CNTRL: variants seen among roughly 807,000 people sequenced by gnomAD.
The protein encoded by CNTRL is centriolin.
In CNTRL, 233 loss-of-function variants were observed where a neutral mutation model predicts 303.7. The observed-to-expected ratio is 0.77, with a 90% CI of 0.69 to 0.86. CNTRL has a LOEUF of 0.86. Ranked by LOEUF, CNTRL falls within the 40% of genes least tolerant of loss-of-function variation. The pLI is 0.00. For missense variants in CNTRL, 2,524 were observed against 2,650.6 expected, an observed-to-expected ratio of 0.95 and a Z score of 1.05; for synonymous variants, 900 against 922.2, an observed-to-expected ratio of 0.98 and a Z score of 0.44.
At chr9:121,133,599 T>C (rs925547159) in intron 14 of CNTRL, among the ~76,000 whole-genome samples, 2 of 152,240 alleles carry the variant, frequency 1.3e-5, no homozygotes, top group Non-Finnish European at 2.9e-5. Context: ...CCCGACGCCT[T>C]GCATTTCCTG....
At chr9:121,109,722 T>C (rs1307626202) in intron 8 of CNTRL, among the ~76,000 whole-genome samples, 1 of 152,174 alleles carries the variant, frequency 6.6e-6, no homozygotes, top group Admixed American at 6.5e-5. Flanking sequence ...TTCTAACCAA[T>C]TTATATTTCA....
intron 12 of CNTRL, 63 bp from the exon 13 acceptor site, chr9:121,123,868 G>A (rs1364959274): frequency 5.6e-6 from 7 of 1,244,296 alleles, no homozygotes; most frequent in Non-Finnish European, 6.6e-6. Flanking sequence ...TGTTGTTAAG[G>A]GTTATTACTT....
intron 27 of CNTRL, 136 bp from the exon 28 acceptor site, chr9:121,157,334 A>T: frequency 1.3e-6 from 1 of 774,488 alleles, no homozygotes; most frequent in Non-Finnish European, 2.0e-6. Context: ...ACCGAGAATT[A>T]GAGTTACAGT....
intron 7 of CNTRL, among the ~76,000 whole-genome samples, chr9:121,102,993 A>G (rs2049262153): frequency 6.6e-6 from 1 of 152,168 alleles, no homozygotes; most frequent in Non-Finnish European, 1.5e-5. Context: ...TTATAGATTC[A>G]ATGCCATCCC....
intron 1 of CNTRL, 30 bp downstream of exon 1, chr9:121,075,097 C>T (rs1044987822): frequency 2.9e-5 from 11 of 376,508 alleles, no homozygotes; most frequent in African/African-American, 2.3e-4. Context: ...GAGCCCGTTC[C>T]CCGGCATCCG....
intron 20 of CNTRL, among the ~76,000 whole-genome samples, chr9:121,144,597 G>A (rs759124385): frequency 2.0e-5 from 3 of 152,148 alleles, no homozygotes; most frequent in Non-Finnish European, 2.9e-5. Context: ...CATGGAAGAC[G>A]GTAGTAAAAG....
intron 8 of CNTRL, among the ~76,000 whole-genome samples, chr9:121,109,208 T>C (rs1299712003): frequency 1.3e-5 from 2 of 152,160 alleles, no homozygotes; most frequent in East Asian, 1.9e-4. Flanking sequence ...TGCTAATAAA[T>C]ATTATATTGT....
chr9:121,136,616 C>T (rs937522210), intron 15 of CNTRL, among the ~76,000 whole-genome samples: 2 of 152,144 alleles, frequency 1.3e-5, no homozygotes, highest in Non-Finnish European at 2.9e-5. Flanking sequence ...TGGCCGAGAC[C>T]TCTTTTAGGT....
intron 11 of CNTRL, among the ~76,000 whole-genome samples, chr9:121,117,813 A>G (rs1052134871): frequency 4.6e-5 from 7 of 152,058 alleles, no homozygotes; most frequent in African/African-American, 1.7e-4. Flanking sequence ...CCCCATCTCT[A>G]CTAAAAATAC....
intron 8 of CNTRL, chr9:121,111,108 A>C (rs536746304): frequency 6.6e-6 from 1 of 152,222 alleles, no homozygotes; most frequent in East Asian, 1.9e-4. Flanking sequence ...TGCTTTCTTG[A>C]GACTCGGAGA....
intron 19 of CNTRL, among the ~76,000 whole-genome samples, chr9:121,143,142 G>A (rs1299310761): frequency 1.3e-5 from 2 of 152,108 alleles, no homozygotes; most frequent in African/African-American, 4.8e-5. Context: ...ATGCCTCACT[G>A]TTTCACACCT....
At position 121,158,629 on chromosome 9, in the gene CNTRL, CAT is replaced by C. The variant is rs1226832695; in HGVS notation, c.4765-223_4765-222del. ...TAACCTGAGGGATGATCATGATTAT[CAT>C]ATTGTTGTTCTTACTGTGATCACTG... On this transcript the variant is annotated intron_variant, in intron 30 of 43. Transcript: ENST00000373855. 3.3e-5 allele frequency: 15 copies of C among 457,722 alleles called. No individual in the cohort carries two copies. The South Asian group carries it at 3.3e-4, about 10-fold the overall frequency. 28.4% of individuals were successfully genotyped at this position (457,722 alleles called of 1,614,324 possible).
In CNTRL at chr9:121,173,415, AAGG is replaced by A. The variant is rs778399339; in HGVS notation, c.6593_6595del (p.Gly2198del). On this transcript the variant is annotated inframe_deletion, in exon 41 of 44. Transcript: ENST00000373855. ...ATTTTGGAAAGAAACGAAAACCTAG[AAGG>A]AGAATTGGAAAGCTTGAAAGAGAAC... 1.8e-5 allele frequency: 29 copies of A among 1,613,928 alleles called. No homozygotes were observed. The highest frequency in any genetic ancestry group is 1.3e-4 in the African/African-American group (10 of 74,926).
At position 121,096,414 on chromosome 9, in the gene CNTRL, C is replaced by T; in HGVS notation, c.480-8C>T. ...TCACTAAATTTTATTTTATCCTTTG[C>T]TTTCCAGCAAAATTGAAGGCATAGA... On this transcript the variant is annotated splice_polypyrimidine_tract_variant and splice_region_variant and intron_variant, in intron 5 of 43. Coordinates refer to ENST00000373855, the MANE Select transcript of CNTRL (RefSeq NM_007018.6). The T allele has an allele frequency of 6.7e-7, 1 of 1,503,052 alleles. No homozygotes were observed. The highest frequency in any genetic ancestry group is 1.4e-5 in the South Asian group (1 of 70,380). The allele number at this position is 1,503,052 out of a possible 1,614,324, so 93.1% of individuals were successfully genotyped here.
intron 27 of CNTRL, among the ~76,000 whole-genome samples, chr9:121,156,430 G>C (rs1293891091): frequency 2.0e-5 from 3 of 152,130 alleles, no homozygotes; most frequent in Non-Finnish European, 2.9e-5. Context: ...AAACTATTTG[G>C]TGGCTTTTCT....
Position 121,118,552 on chromosome 9 carries a change from A to G in CNTRL, c.1650+12A>G. On this transcript the variant is annotated intron_variant, in intron 12 of 43. Transcript: ENST00000373855. The stretch of plus-strand genomic sequence containing the variant: ...AAGACCCAAAACATGTGAGTAAATT[A>G]AGAAATTTTGACTTGTTCTGTCTAC... 1.9e-6 allele frequency: 3 copies of G among 1,573,610 alleles called. No homozygotes were observed. Among genetic ancestry groups the G allele is most frequent in the Non-Finnish European group, 2.6e-6 (3 of 1,159,840 alleles).
In CNTRL at chr9:121,173,479, A is replaced by AT. The variant is rs2053392627; in HGVS notation, c.6654_6655insT (p.Lys2219Ter). 1 of 1,613,336 alleles carries AT rather than the reference A, an allele frequency of 6.2e-7. No homozygotes were observed. The highest frequency in any genetic ancestry group is 8.5e-7 in the Non-Finnish European group (1 of 1,179,926). ...CCATGAATGAGGGACCTTTTGAAGAAAAACTGAACTTTTCCCAAGTTCACA... is the reference window on the plus strand; with the variant it reads ...CCATGAATGAGGGACCTTTTGAAGAATAAACTGAACTTTTCCCAAGTTCACA... On this transcript the variant is annotated frameshift_variant, in exon 41 of 44. Transcript: ENST00000373855. LOFTEE classifies it high-confidence loss of function.
intron 15 of CNTRL, among the ~76,000 whole-genome samples, chr9:121,138,043 T>TA (rs1166367879): frequency 6.6e-6 from 1 of 152,290 alleles, no homozygotes; most frequent in African/African-American, 2.4e-5. Context: ...TTGGTAAACT[T>TA]TAGTTGCATG....
In CNTRL at chr9:121,152,257, G is replaced by A. The variant is rs1031957716; in HGVS notation, c.3964-228G>A. On this transcript the variant is annotated intron_variant, in intron 25 of 43. Coordinates refer to ENST00000373855, the MANE Select transcript of CNTRL (RefSeq NM_007018.6). ...GGCAGAGGTTATCCACAAGAGGCTT[G>A]GCAAATGTTTCTCAGTCATAGTTGG... 5.0e-5 allele frequency: 24 copies of A among 483,156 alleles called. 1 individual carries two copies. The highest frequency in any genetic ancestry group is 8.2e-5 in the Non-Finnish European group (22 of 267,384). 29.9% of individuals were successfully genotyped at this position (483,156 alleles called of 1,614,324 possible).
Sources: allele counts gnomAD v4.1 joint callset (sites outside exome capture counted in the v4.1 genomes callset), GRCh38; gene constraint gnomAD v4.1.1; transcripts MANE v1.5; gene names NCBI Gene and HGNC (gene_info 2026-07-23, HGNC 2026-07-21).